SLC28A3: variants seen among roughly 807,000 people sequenced by gnomAD.
The protein encoded by SLC28A3 is solute carrier family 28 member 3.
SLC28A3 carries 68 observed loss-of-function variants against 84.2 expected under a neutral mutation model. The observed-to-expected ratio is 0.81, with a 90% CI of 0.66 to 0.99. The LOEUF (loss-of-function observed/expected upper bound fraction) is 0.99. SLC28A3 is among the 50% of genes least tolerant of loss of function. SLC28A3 has a pLI of 0.00. For synonymous variants in SLC28A3, 267 were observed against 303.6 expected, an observed-to-expected ratio of 0.88 and a Z score of 1.25; for missense variants, 712 against 841.5, an observed-to-expected ratio of 0.85 and a Z score of 1.90.
rs969143938 is a variant in SLC28A3 at position 84,276,199 on chromosome 9, G to A, written c.*2019C>T. 3.3e-5 allele frequency: 5 copies of A among 152,148 alleles called. No individual in the cohort carries two copies. The highest frequency in any genetic ancestry group is 7.3e-5 in the Non-Finnish European group (5 of 68,028). 9.4% of individuals were successfully genotyped at this position (152,148 alleles called of 1,614,324 possible). On this transcript the variant is annotated 3_prime_UTR_variant, in exon 18 of 18. Coordinates refer to ENST00000376238, the MANE Select transcript of SLC28A3 (RefSeq NM_001199633.2). ...TTTATGAAATCTAAACATGGATTAA[G>A]TATTATCAGTAAAACTTTAGTGTCT...
intron 3 of SLC28A3, among the ~76,000 whole-genome samples, chr9:84,307,324 G>A (rs1179619044): frequency 6.6e-6 from 1 of 151,228 alleles, no homozygotes; most frequent in Non-Finnish European, 1.5e-5. Context: ...CCAGCTACTC[G>A]GGAGGCTAAG....
chr9:84,351,825 G>C, the SLC28A3 span, among the ~76,000 whole-genome samples: 2 of 151,604 alleles, frequency 1.3e-5, no homozygotes, highest in African/African-American at 2.4e-5. Context: ...AATACACGTT[G>C]GAGTATTTAG....
chr9:84,342,236 T>C (rs1426780691), upstream of SLC28A3, among the ~76,000 whole-genome samples: 1 of 151,444 alleles, frequency 6.6e-6, no homozygotes, highest in Non-Finnish European at 1.5e-5. Flanking sequence ...TTGGTGTTTT[T>C]TTTTTCTCCT....
intron 1 of SLC28A3, among the ~76,000 whole-genome samples, chr9:84,315,173 A>G (rs1826128345): frequency 6.6e-6 from 1 of 152,234 alleles, no homozygotes; most frequent in Non-Finnish European, 1.5e-5. Context: ...GCTGACAGGT[A>G]CCCGGAGAAT....
chr9:84,290,118 G>A, intron 11 of SLC28A3, 36 bp downstream of exon 11: 1 of 1,603,168 alleles, frequency 6.2e-7, no homozygotes, highest in Non-Finnish European at 8.5e-7. Flanking sequence ...AAAGAAAGAA[G>A]AGGTTGGTGT....
At chr9:84,279,432 T>G (rs1824651544) in intron 16 of SLC28A3, 47 bp from the exon 17 acceptor site, 1 of 1,289,060 alleles carries the variant, frequency 7.8e-7, no homozygotes, top group Non-Finnish European at 1.0e-6. Flanking sequence ...TTTAGTTTTA[T>G]TTATGTATTT....
chr9:84,330,940 T>A (rs918961173), intron 1 of SLC28A3, among the ~76,000 whole-genome samples: 1 of 152,200 alleles, frequency 6.6e-6, no homozygotes, highest in African/African-American at 2.4e-5. Flanking sequence ...AGCAAAAATG[T>A]ATCTTTATCT....
the SLC28A3 span, among the ~76,000 whole-genome samples, chr9:84,368,622 G>A: frequency 6.6e-6 from 1 of 151,998 alleles, no homozygotes; most frequent in African/African-American, 2.4e-5. Flanking sequence ...TCACAACTCT[G>A]CCCAGTGCCC....
intron 11 of SLC28A3, among the ~76,000 whole-genome samples, chr9:84,289,511 T>C (rs182522831): frequency 3.2e-4 from 48 of 152,354 alleles, no homozygotes; most frequent in Admixed American, 3.0e-3. Context: ...TTAAAAAATA[T>C]TGATGGCTGG....
chr9:84,281,424 G>A (rs144758733), intron 14 of SLC28A3, among the ~76,000 whole-genome samples: 1 of 152,202 alleles, frequency 6.6e-6, no homozygotes, highest in African/African-American at 2.4e-5. Flanking sequence ...GATCACCAGG[G>A]AAATGCAAAA....
upstream of SLC28A3, among the ~76,000 whole-genome samples, chr9:84,344,266 G>A (rs1485660838): frequency 1.4e-5 from 2 of 139,380 alleles, no homozygotes; most frequent in Non-Finnish European, 3.0e-5. Flanking sequence ...TCAGCTTACT[G>A]CAACCTCCGA....
At chr9:84,278,878 GAAAA>G (rs34802574) in intron 17 of SLC28A3, among the ~76,000 whole-genome samples, 1 of 120,756 alleles carries the variant, frequency 8.3e-6, no homozygotes, top group Non-Finnish European at 1.8e-5. Context: ...TTTGTGGAAT[GAAAA>G]AAAAAAAAAA....
the SLC28A3 span, among the ~76,000 whole-genome samples, chr9:84,367,483 G>T: frequency 6.6e-6 from 1 of 152,178 alleles, no homozygotes; most frequent in Non-Finnish European, 1.5e-5. Flanking sequence ...GGTGTTTCTC[G>T]TCAGGTGGAG....
At chr9:84,341,799 CT>C (rs66915622), upstream of SLC28A3, among the ~76,000 whole-genome samples, 5,120 of 152,054 alleles carry the variant, frequency 0.034, 167 homozygotes, top group East Asian at 0.17. Flanking sequence ...ATTTTCCCCC[CT>C]AGTACAATTT....
At chr9:84,306,654 T>A (rs182821800) in intron 3 of SLC28A3, among the ~76,000 whole-genome samples, 35 of 151,930 alleles carry the variant, frequency 2.3e-4, no homozygotes, top group Admixed American at 5.2e-4. Context: ...AACTTCTCAG[T>A]CCCCCAGGGC....
At chr9:84,342,535 C>T (rs1224384541), upstream of SLC28A3, among the ~76,000 whole-genome samples, 1 of 151,884 alleles carries the variant, frequency 6.6e-6, no homozygotes, top group Non-Finnish European at 1.5e-5. Flanking sequence ...GTCTCAGCCT[C>T]CCGAGTAGCT....
intron 10 of SLC28A3, 135 bp downstream of exon 10, chr9:84,292,533 C>A: frequency 1.7e-6 from 1 of 603,448 alleles, no homozygotes; most frequent in South Asian, 2.3e-5. Context: ...CCGGACATTG[C>A]CAATACTGGG....
intron 3 of SLC28A3, among the ~76,000 whole-genome samples, chr9:84,307,301 C>T (rs1009788715): frequency 3.3e-5 from 5 of 151,502 alleles, no homozygotes; most frequent in African/African-American, 1.2e-4. Context: ...TGTGGTGGCA[C>T]AGGCCTGTAA....
At chr9:84,314,389 T>C (rs1167940666) in intron 1 of SLC28A3, among the ~76,000 whole-genome samples, 1 of 152,198 alleles carries the variant, frequency 6.6e-6, no homozygotes, top group Non-Finnish European at 1.5e-5. Context: ...TCATTTCAAC[T>C]TGCCGTTTTC....
Sources: gnomAD v4.1 joint callset for allele counts (sites outside exome capture counted in the v4.1 genomes callset) on GRCh38, gnomAD v4.1.1 for gene constraint, MANE v1.5 for transcripts, NCBI Gene and HGNC (gene_info 2026-07-23, HGNC 2026-07-21) for gene names.